Variants in SAMD4A observed in about 807,000 individuals in gnomAD.
The protein encoded by SAMD4A is protein Smaug homolog 1.
SAMD4A carries 33 observed loss-of-function variants against 81.3 expected under a neutral mutation model. The ratio of observed to expected loss-of-function variants is 0.41; its 90% confidence interval spans 0.31 to 0.54. SAMD4A has a LOEUF of 0.54. Among genes scored for constraint, SAMD4A ranks in the 20% least tolerant of loss-of-function variants. The pLI is 0.37. For synonymous variants in SAMD4A, 389 were observed against 382.1 expected, an observed-to-expected ratio of 1.02 and a Z score of -0.21; for missense variants, 854 against 951.1, an observed-to-expected ratio of 0.90 and a Z score of 1.34.
intron 2 of SAMD4A, among the ~76,000 whole-genome samples, chr14:54,664,290 G>T (rs1273690287): frequency 1.3e-5 from 2 of 152,116 alleles, no homozygotes; most frequent in East Asian, 3.9e-4. Context: ...CAAAGATAAG[G>T]CATGGCCCCT....
At chr14:54,718,578 T>TTGTTGTTG (rs879283417) in intron 3 of SAMD4A, among the ~76,000 whole-genome samples, 9,026 of 152,180 alleles carry the variant, frequency 0.059, 459 homozygotes, top group African/African-American at 0.13. Flanking sequence ...TGTTGTTGTT[T>TTGTTGTTG]TTTCTAACTC....
intron 2 of SAMD4A, among the ~76,000 whole-genome samples, chr14:54,666,498 G>GTAT (rs1208598822): frequency 6.6e-6 from 1 of 152,106 alleles, no homozygotes; most frequent in African/African-American, 2.4e-5. Flanking sequence ...TGCAAACACG[G>GTAT]TATTTTCAAT....
chr14:54,653,645 A>G (rs1473201778), intron 2 of SAMD4A, among the ~76,000 whole-genome samples: 1 of 151,974 alleles, frequency 6.6e-6, no homozygotes, highest in Non-Finnish European at 1.5e-5. Flanking sequence ...TAGCCTCTCA[A>G]TATTGTTTTT....
At chr14:54,588,741 T>C (rs2033693331) in intron 2 of SAMD4A, among the ~76,000 whole-genome samples, 1 of 152,320 alleles carries the variant, frequency 6.6e-6, no homozygotes, top group African/African-American at 2.4e-5. Context: ...TTCTTCTGTC[T>C]CCTTTTCCAT....
chr14:54,678,487 G>C, intron 2 of SAMD4A, among the ~76,000 whole-genome samples: 1 of 135,902 alleles, frequency 7.4e-6, no homozygotes, highest in African/African-American at 2.9e-5. Flanking sequence ...GTGTGTGTGT[G>C]TGTGTGTGTG....
rs548624122 is a variant in SAMD4A at position 54,730,411 on chromosome 14, A to G, written c.716-6613A>G. Among the ~76,000 whole-genome samples, 53 of 152,320 alleles carry G rather than the reference A, an allele frequency of 3.5e-4. 1 individual carries two copies. Among genetic ancestry groups the G allele is most frequent in the Non-Finnish European group, 6.9e-4 (47 of 68,030 alleles). ...AAGTATACACTTTCTTTTCACCGAAAGTGTGTGGCTTCCTCCTTGGGCTTG... is the reference window on the plus strand; with the variant it reads ...AAGTATACACTTTCTTTTCACCGAAGGTGTGTGGCTTCCTCCTTGGGCTTG... On this transcript the variant is annotated intron_variant, in intron 3 of 12. Transcript: ENST00000554335.
chr14:54,698,452 G>T (rs1258600336), intron 2 of SAMD4A, among the ~76,000 whole-genome samples: 1 of 152,162 alleles, frequency 6.6e-6, no homozygotes, highest in East Asian at 1.9e-4. Flanking sequence ...CAGGGGGCTG[G>T]GGGCAAGTAA....
At chr14:54,617,561 T>C (rs2034519676) in intron 2 of SAMD4A, among the ~76,000 whole-genome samples, 1 of 152,170 alleles carries the variant, frequency 6.6e-6, no homozygotes, top group African/African-American at 2.4e-5. Flanking sequence ...TTCTTTGAAA[T>C]TGAGAAAATG....
At chr14:54,594,967 A>G (rs1343895376) in intron 2 of SAMD4A, among the ~76,000 whole-genome samples, 1 of 152,234 alleles carries the variant, frequency 6.6e-6, no homozygotes, top group Non-Finnish European at 1.5e-5. Flanking sequence ...AGGACTTTAA[A>G]TAATGAAGAC....
intron 2 of SAMD4A, among the ~76,000 whole-genome samples, chr14:54,608,645 T>G (rs1046536292): frequency 1.3e-5 from 2 of 152,238 alleles, no homozygotes; most frequent in Non-Finnish European, 2.9e-5. Context: ...TGAATGAAGG[T>G]CTTGCCAAAT....
Position 54,760,251 on chromosome 14 carries a change from A to T in SAMD4A, c.1267A>T (p.Thr423Ser). The T allele has an allele frequency of 6.2e-7, 1 of 1,612,960 alleles. No homozygotes were observed. The highest frequency in any genetic ancestry group is 8.5e-7 in the Non-Finnish European group (1 of 1,179,834). Residue 423 changes from threonine to serine, a missense_variant, in exon 7 of 13, where the codon ACC becomes TCC. Thr to Ser is a moderately conservative substitution (Grantham distance 58, BLOSUM62 1). This residue lies in a region of SAMD4A where 428 missense variants were observed against 471.2 expected (regional missense o/e 0.91). Transcript: ENST00000554335. ...TPIKAYSSPS[T>S]TPEARRREPQ... Reference sequence around the variant, plus strand: ...GATCAAGGCCTACAGCTCCCCGAGCACCACCCCCGAGGCTCGCCGCCGGGA... The same window carrying T: ...GATCAAGGCCTACAGCTCCCCGAGCTCCACCCCCGAGGCTCGCCGCCGGGA...
chr14:54,607,122 A>G (rs542010430), intron 2 of SAMD4A, among the ~76,000 whole-genome samples: 1 of 152,352 alleles, frequency 6.6e-6, no homozygotes, highest in East Asian at 1.9e-4. Context: ...AGGGAGGGAA[A>G]TAGGGAATAC....
At chr14:54,588,000 ACCTGTCTCGT>A (rs2033672131) in intron 2 of SAMD4A, among the ~76,000 whole-genome samples, 1 of 151,768 alleles carries the variant, frequency 6.6e-6, no homozygotes, top group Non-Finnish European at 1.5e-5. Context: ...TCAGCTGTGA[ACCTGTCTCGT>A]CCTGGACTTT....
intron 4 of SAMD4A, among the ~76,000 whole-genome samples, chr14:54,746,685 A>C (rs1287032057): frequency 6.6e-6 from 1 of 152,128 alleles, no homozygotes. Context: ...TCATCAATGG[A>C]TTTTGCATGG....
At chr14:54,784,178 G>T in intron 11 of SAMD4A, 1 of 619,086 alleles carries the variant, frequency 1.6e-6, no homozygotes, top group East Asian at 2.8e-5. Flanking sequence ...GGAGAGAGCT[G>T]TATGAGGGTA....
chr14:54,774,595 G>A (rs1337601415), intron 9 of SAMD4A, among the ~76,000 whole-genome samples: 2 of 150,652 alleles, frequency 1.3e-5, no homozygotes, highest in East Asian at 2.0e-4. Context: ...TGGGAAGATC[G>A]CTTGAGCCTG....
intron 2 of SAMD4A, chr14:54,689,610 T>C (rs1232763454): frequency 6.6e-6 from 1 of 152,216 alleles, no homozygotes; most frequent in Non-Finnish European, 1.5e-5. Context: ...ATATTATCAT[T>C]CTGTTTTCCC....
intron 2 of SAMD4A, among the ~76,000 whole-genome samples, chr14:54,637,264 C>G (rs973990944): frequency 2.7e-5 from 4 of 148,068 alleles, no homozygotes. Flanking sequence ...ACTTGGGTGG[C>G]TGTCGCAGGA....
At chr14:54,749,062 C>T in intron 5 of SAMD4A, 138 bp downstream of exon 5, 1 of 608,124 alleles carries the variant, frequency 1.6e-6, no homozygotes, top group Non-Finnish European at 2.9e-6. Context: ...GGGGTGCTGG[C>T]CAGCATTCCA....
Sources: allele counts gnomAD v4.1 joint callset (sites outside exome capture counted in the v4.1 genomes callset), GRCh38; gene constraint gnomAD v4.1.1; regional missense constraint gnomAD v4.1.1; transcripts MANE v1.5; gene names NCBI Gene and HGNC (gene_info 2026-07-23, HGNC 2026-07-21).